FHIP1A: variants seen among roughly 807,000 people sequenced by gnomAD.
FHIP1A encodes the protein FHF complex subunit HOOK interacting protein 1A.
FHIP1A carries 61 observed loss-of-function variants against 88.6 expected under a neutral mutation model. The ratio of observed to expected loss-of-function variants is 0.69; its 90% CI spans 0.56 to 0.85. The LOEUF (loss-of-function observed/expected upper bound fraction) is 0.85. Ranked by LOEUF, FHIP1A falls within the 40% of genes least tolerant of loss-of-function variation. The pLI, the probability that FHIP1A is intolerant of heterozygous loss-of-function variation, is 0.00. For missense variants in FHIP1A, 1,154 were observed against 1,273.5 expected, an observed-to-expected ratio of 0.91 and a Z score of 1.43; for synonymous variants, 478 against 496.0, an observed-to-expected ratio of 0.96 and a Z score of 0.48.
At chr4:151,494,064 C>T (rs899596907) in intron 3 of FHIP1A, among the ~76,000 whole-genome samples, 1 of 152,148 alleles carries the variant, frequency 6.6e-6, no homozygotes, top group African/African-American at 2.4e-5. Flanking sequence ...GAATCAAATA[C>T]TTAGAAAACC....
intron 3 of FHIP1A, among the ~76,000 whole-genome samples, chr4:151,549,489 TAAA>T (rs57072592): frequency 0.36 from 40,096 of 111,742 alleles, 5,699 homozygotes; most frequent in Admixed American, 0.38. Flanking sequence ...AGACTCTGTC[TAAA>T]AAAAAAAAAA....
intron 2 of FHIP1A, among the ~76,000 whole-genome samples, chr4:151,459,553 G>A (rs1729078863): frequency 6.6e-6 from 1 of 152,160 alleles, no homozygotes; most frequent in Non-Finnish European, 1.5e-5. Context: ...ACCTGACTTT[G>A]CAGCGTTTCC....
chr4:151,573,096 TA>T (rs1733655118), intron 4 of FHIP1A, among the ~76,000 whole-genome samples: 1 of 152,222 alleles, frequency 6.6e-6, no homozygotes, highest in South Asian at 2.1e-4. Context: ...TTAGCCCCAG[TA>T]ATTCTCACAT....
At chr4:151,421,717 T>C (rs891116678) in intron 1 of FHIP1A, among the ~76,000 whole-genome samples, 1 of 152,020 alleles carries the variant, frequency 6.6e-6, no homozygotes, top group Non-Finnish European at 1.5e-5. Context: ...CTGGGACCTC[T>C]CTTACTTTTT....
chr4:151,412,181 G>A (rs1490777651), intron 1 of FHIP1A, among the ~76,000 whole-genome samples: 2 of 152,024 alleles, frequency 1.3e-5, no homozygotes, highest in African/African-American at 4.8e-5. Flanking sequence ...TCGGCTCACT[G>A]CAACCTCTGC....
chr4:151,556,242 T>G (rs1416410067), intron 3 of FHIP1A, among the ~76,000 whole-genome samples: 1 of 152,164 alleles, frequency 6.6e-6, no homozygotes, highest in Admixed American at 6.5e-5. Context: ...CCTTACCAGT[T>G]CATTATATAG....
chr4:151,523,520 A>C (rs973740752), intron 3 of FHIP1A, among the ~76,000 whole-genome samples: 1 of 151,956 alleles, frequency 6.6e-6, no homozygotes, highest in African/African-American at 2.4e-5. Flanking sequence ...TTTTTTCTTT[A>C]AACAATCATA....
chr4:151,499,690 G>A (rs1730581382), intron 3 of FHIP1A, among the ~76,000 whole-genome samples: 1 of 152,180 alleles, frequency 6.6e-6, no homozygotes, highest in Non-Finnish European at 1.5e-5. Context: ...GCGTGGCTGG[G>A]GAGGCCTCAG....
At chr4:151,511,202 A>T (rs1731015311) in intron 3 of FHIP1A, among the ~76,000 whole-genome samples, 1 of 152,216 alleles carries the variant, frequency 6.6e-6, no homozygotes, top group South Asian at 2.1e-4. Flanking sequence ...GCCTAGGTAA[A>T]TTCACGGGAC....
chr4:151,567,006 G>A (rs1434288253), intron 4 of FHIP1A, among the ~76,000 whole-genome samples: 2 of 152,126 alleles, frequency 1.3e-5, no homozygotes, highest in Non-Finnish European at 2.9e-5. Context: ...TGGTCCCTGT[G>A]TAATTTAATG....
chr4:151,584,788 G>A (rs1438614946), intron 5 of FHIP1A, among the ~76,000 whole-genome samples: 1 of 152,054 alleles, frequency 6.6e-6, no homozygotes, highest in African/African-American at 2.4e-5. Context: ...AGTTCCTGGA[G>A]AATACCATCT....
At chr4:151,580,088 A>T (rs1733964410) in intron 5 of FHIP1A, among the ~76,000 whole-genome samples, 1 of 152,132 alleles carries the variant, frequency 6.6e-6, no homozygotes, top group Non-Finnish European at 1.5e-5. Context: ...TTACTTCCAT[A>T]GTTTTTTTCT....
At chr4:151,608,002 T>C (rs1399390974) in intron 7 of FHIP1A, among the ~76,000 whole-genome samples, 1 of 150,910 alleles carries the variant, frequency 6.6e-6, no homozygotes, top group Admixed American at 6.6e-5. Flanking sequence ...CTTTTGATTT[T>C]CTTTTTCTTT....
intron 3 of FHIP1A, among the ~76,000 whole-genome samples, chr4:151,486,092 T>A (rs1251320592): frequency 6.6e-6 from 1 of 152,154 alleles, no homozygotes; most frequent in African/African-American, 2.4e-5. Flanking sequence ...CATTTCACGA[T>A]AAGGTTTGCG....
At chr4:151,596,045 G>A (rs1052731172) in intron 7 of FHIP1A, among the ~76,000 whole-genome samples, 1 of 152,156 alleles carries the variant, frequency 6.6e-6, no homozygotes, top group Non-Finnish European at 1.5e-5. Flanking sequence ...TATTTGTTAT[G>A]TGTGAATTTG....
intron 7 of FHIP1A, among the ~76,000 whole-genome samples, chr4:151,613,793 G>A (rs1245563815): frequency 6.6e-6 from 1 of 152,122 alleles, no homozygotes; most frequent in Non-Finnish European, 1.5e-5. Context: ...CATGAGCATG[G>A]GTATTTTTAA....
chr4:151,572,336 A>G (rs1322966200), intron 4 of FHIP1A, among the ~76,000 whole-genome samples: 2 of 152,196 alleles, frequency 1.3e-5, no homozygotes, highest in South Asian at 2.1e-4. Context: ...AAATATTATT[A>G]TTTGGATCAT....
At chr4:151,531,147 G>C (rs1013036007) in intron 3 of FHIP1A, among the ~76,000 whole-genome samples, 3 of 152,040 alleles carry the variant, frequency 2.0e-5, no homozygotes, top group Admixed American at 6.5e-5. Context: ...GGGAGCTGAG[G>C]TATTTTAATT....
chr4:151,569,992 T>C (rs957768840), intron 4 of FHIP1A, among the ~76,000 whole-genome samples: 13 of 152,226 alleles, frequency 8.5e-5, no homozygotes, highest in Non-Finnish European at 1.6e-4. Flanking sequence ...AGCCCCTGAC[T>C]TCCTGTCACC....
Sources: gnomAD v4.1 joint callset for allele counts (sites outside exome capture counted in the v4.1 genomes callset) on GRCh38, gnomAD v4.1.1 for gene constraint, MANE v1.5 for transcripts, NCBI Gene and HGNC (gene_info 2026-07-23, HGNC 2026-07-21) for gene names.